PASK: variants seen among roughly 807,000 people sequenced by gnomAD.
PASK encodes the protein PAS domain-containing serine/threonine-protein kinase.
Under a neutral mutation model 121.0 loss-of-function variants are expected in PASK, and 110 were observed. The ratio of observed to expected loss-of-function variants is 0.91; its 90% CI spans 0.78 to 1.06. The LOEUF is 1.06. PASK is among the 50% of genes least tolerant of loss of function. The pLI is 0.00. For missense variants in PASK, 1,643 were observed against 1,702.3 expected (o/e 0.97, Z 0.61); for synonymous variants, 686 against 717.8 (o/e 0.96, Z 0.71).
intron 8 of PASK, chr2:241,134,001 G>C (rs1182420016): frequency 7.1e-6 from 1 of 141,244 alleles, no homozygotes; most frequent in Non-Finnish European, 1.5e-5. Context: ...AAAAAAAAAA[G>C]GACGACCCCA....
In PASK at chr2:241,126,819, A is replaced by G; in HGVS notation, c.2096T>C (p.Leu699Pro). Residue 699 changes from leucine to proline, a missense_variant, in exon 10 of 18, where the codon CTG becomes CCG. Around this residue, in one of 3 missense-constraint regions of PASK, gnomAD observed 1,176 missense variants for 1,162.2 expected, o/e 1.01. Coordinates refer to ENST00000234040, the MANE Select transcript of PASK (RefSeq NM_015148.4). Reference protein sequence around the residue: ...AVTAPVSSCDLGGRDLCGGCT... With the variant: ...AVTAPVSSCDPGGRDLCGGCT... ...GCCACCGCACAGGTCTCTGCCTCCC[A>G]GATCGCAGGACGACACAGGAGCGGT... 6.2e-7 allele frequency: 1 copy of G among 1,613,658 alleles called. No individual in the cohort carries two copies. The highest frequency in any genetic ancestry group is 8.5e-7 in the Non-Finnish European group (1 of 1,179,696).
At chr2:241,148,552 G>A (rs1375819791) in intron 1 of PASK, among the ~76,000 whole-genome samples, 2 of 152,196 alleles carry the variant, frequency 1.3e-5, no homozygotes, top group African/African-American at 2.4e-5. Flanking sequence ...GTAGGTGGAC[G>A]TGGGCCTGGA....
At position 241,110,291 on chromosome 2, in the gene PASK, G is replaced by A. The variant is rs140736461; in HGVS notation, c.3533+1949C>T. ...AAATAGCAGAATGGCAGCTGCCAGGGCCTGAGGAAGGGGAAGAGGGACCTA... is the reference window on the plus strand; with the variant it reads ...AAATAGCAGAATGGCAGCTGCCAGGACCTGAGGAAGGGGAAGAGGGACCTA... On this transcript the variant is annotated intron_variant, in intron 15 of 17. Transcript: ENST00000234040. 4.2e-3 allele frequency among the ~76,000 whole-genome samples: 641 copies of A among 152,346 alleles called. 1 individual carries two copies. Among genetic ancestry groups the A allele is most frequent in the Middle Eastern group, 0.01 (3 of 294 alleles).
rs528422965 is a variant in PASK, at chr2:241,145,212, C to T, written c.-42-2138G>A. 1.0e-3 allele frequency among the ~76,000 whole-genome samples: 155 copies of T among 152,192 alleles called. No individual in the cohort carries two copies. In the South Asian group the frequency reaches 0.015, roughly 15 times the overall value. On this transcript the variant is annotated intron_variant, in intron 1 of 17. Coordinates refer to ENST00000234040, the MANE Select transcript of PASK (RefSeq NM_015148.4). ...ACAGGCGTGAGCCACCGCGCCCGGC[C>T]GACTTCTCCCTGTTTGTATGTATCT... is the stretch of plus-strand genomic sequence containing the variant.
intron 9 of PASK, 103 bp from the exon 10 acceptor site, chr2:241,127,554 C>T (rs1054375282): frequency 6.2e-6 from 6 of 973,236 alleles, no homozygotes; most frequent in African/African-American, 3.2e-5. Flanking sequence ...GCATTTAATG[C>T]CACCAATTTA....
intron 8 of PASK, chr2:241,133,281 C>T (rs34146101): frequency 0.4 from 215,547 of 543,476 alleles, 45,602 homozygotes; most frequent in Middle Eastern, 0.5. Context: ...ACGGCACTCA[C>T]CTGCTGACAA....
At position 241,149,004 on chromosome 2, in the gene PASK, A is replaced by C. The variant is rs1293946450; in HGVS notation, c.-43+410T>G. Among the ~76,000 whole-genome samples, 4 of 152,134 alleles carry C rather than the reference A, an allele frequency of 2.6e-5. No individual in the cohort carries two copies. In the East Asian group the frequency reaches 7.8e-4, roughly 30 times the overall value. ...ACCCCGCGGCGCCGGCTGAGCCCGC[A>C]GGGACCCACACGCCCAGTGCAGGAG... On this transcript the variant is annotated intron_variant, in intron 1 of 17. Coordinates refer to ENST00000234040, the MANE Select transcript of PASK (RefSeq NM_015148.4).
At chr2:241,127,822 G>C (rs912394663) in intron 9 of PASK, 1 of 358,332 alleles carries the variant, frequency 2.8e-6, no homozygotes, top group Non-Finnish European at 5.4e-6. Context: ...GCCTTGAGGA[G>C]GTGTGAGAGG....
chr2:241,131,553 A>G (rs2066133918), intron 9 of PASK, among the ~76,000 whole-genome samples: 11 of 152,230 alleles, frequency 7.2e-5, no homozygotes, highest in Admixed American at 7.2e-4. Flanking sequence ...GATAAATATC[A>G]CAGACACAGC....
chr2:241,117,025 G>A (rs76999699), intron 12 of PASK, among the ~76,000 whole-genome samples: 27,730 of 152,154 alleles, frequency 0.18, 2,784 homozygotes, highest in Middle Eastern at 0.32. Flanking sequence ...AGAGGGCAGC[G>A]GGAGCACAGG....
chr2:241,115,930 C>G (rs1410321197), intron 12 of PASK, among the ~76,000 whole-genome samples: 2 of 89,600 alleles, frequency 2.2e-5, no homozygotes, highest in Non-Finnish European at 3.8e-5. Context: ...CAGGGGCCAC[C>G]ATCAGTCCTC....
chr2:241,128,570 T>C (rs755531644), intron 9 of PASK, among the ~76,000 whole-genome samples: 21 of 152,208 alleles, frequency 1.4e-4, no homozygotes, highest in Middle Eastern at 3.4e-3. Flanking sequence ...AGCAACCTAA[T>C]AAAGGTATAC....
intron 15 of PASK, among the ~76,000 whole-genome samples, chr2:241,111,442 T>C (rs570290390): frequency 6.6e-6 from 1 of 152,366 alleles, no homozygotes; most frequent in Non-Finnish European, 1.5e-5. Flanking sequence ...TAGGTGTTAG[T>C]GGAAAACACC....
At chr2:241,124,764 T>C (rs972743176) in intron 10 of PASK, among the ~76,000 whole-genome samples, 3 of 152,254 alleles carry the variant, frequency 2.0e-5, no homozygotes, top group African/African-American at 7.2e-5. Flanking sequence ...AAATAACACG[T>C]ATTATTTACA....
chr2:241,141,901 G>T (rs766797807), intron 2 of PASK, among the ~76,000 whole-genome samples: 4 of 152,040 alleles, frequency 2.6e-5, no homozygotes, highest in Non-Finnish European at 4.4e-5. Context: ...CAGTCACCAA[G>T]CGCAGCTCCT....
intron 1 of PASK, among the ~76,000 whole-genome samples, chr2:241,144,650 C>T (rs1050779883): frequency 1.3e-5 from 2 of 152,220 alleles, no homozygotes; most frequent in Non-Finnish European, 2.9e-5. Context: ...TGAGGAGCAG[C>T]CTTCCAGGAA....
At chr2:241,135,789 C>T in intron 8 of PASK, 82 bp downstream of exon 8, 1 of 1,350,992 alleles carries the variant, frequency 7.4e-7, no homozygotes, top group Non-Finnish European at 1.1e-6. Context: ...AGCTCCTGCT[C>T]CTCCCAGCCC....
chr2:241,149,569 G>C, upstream of PASK: 2 of 1,331,714 alleles, frequency 1.5e-6, no homozygotes, highest in East Asian at 2.5e-5. Flanking sequence ...AAGCTAGCCA[G>C]AGTCTAGAAG....
Position 241,126,325 on chromosome 2 carries a change from C to T in PASK, c.2590G>A (p.Glu864Lys). The T allele has an allele frequency of 1.9e-6, 3 of 1,614,238 alleles. No individual in the cohort carries two copies. Among genetic ancestry groups the T allele is most frequent in the Non-Finnish European group, 2.5e-6 (3 of 1,180,032 alleles). The part of the protein sequence containing the change: ...GPEDTCPSAE[E>K]PRLNVQVTST... ...GTGACCTGGACGTTCAGCCTTGGCT[C>T]CTCTGCTGATGGGCACGTGTCCTCA... The change falls in exon 10 of 18, where the codon GAG becomes AAG. Residue 864 changes from glutamate to lysine, a missense_variant. By Grantham distance (56) the Glu-to-Lys change is moderately conservative. Coordinates refer to ENST00000234040, the MANE Select transcript of PASK (RefSeq NM_015148.4).
Sources: gnomAD v4.1 joint callset for allele counts (sites outside exome capture counted in the v4.1 genomes callset) on GRCh38, gnomAD v4.1.1 for gene constraint, gnomAD v4.1.1 regional missense constraint, MANE v1.5 for transcripts, NCBI Gene and HGNC (gene_info 2026-07-23, HGNC 2026-07-21) for gene names.